MPP7: variants seen among roughly 807,000 people sequenced by gnomAD.
The protein encoded by MPP7 is MAGUK p55 subfamily member 7.
In MPP7, 60 loss-of-function variants were observed where a neutral mutation model predicts 76.5. The observed-to-expected ratio is 0.78, with a 90% confidence interval of 0.64 to 0.97. MPP7 has a LOEUF of 0.97. Ranked by LOEUF, MPP7 falls within the 50% of genes least tolerant of loss-of-function variation. The pLI, the probability that MPP7 is intolerant of heterozygous loss-of-function variation, is 0.00. For missense variants in MPP7, 641 were observed against 694.0 expected (o/e 0.92, Z 0.86); for synonymous variants, 237 against 244.5 (o/e 0.97, Z 0.29).
At chr10:28,249,931 T>C (rs1181497110) in intron 1 of MPP7, among the ~76,000 whole-genome samples, 2 of 152,144 alleles carry the variant, frequency 1.3e-5, no homozygotes, top group African/African-American at 4.8e-5. Flanking sequence ...TTTGAAATTT[T>C]TGTTGATGAA....
chr10:28,113,683 T>C (rs1165336643), intron 11 of MPP7, among the ~76,000 whole-genome samples: 2 of 152,088 alleles, frequency 1.3e-5, no homozygotes, highest in Non-Finnish European at 2.9e-5. Context: ...GGCTAGAGTT[T>C]ATAGCCACTT....
At chr10:28,189,555 A>G (rs924440099) in intron 3 of MPP7, among the ~76,000 whole-genome samples, 6 of 135,144 alleles carry the variant, frequency 4.4e-5, no homozygotes, top group Admixed American at 7.9e-5. Flanking sequence ...AGGGAGACAG[A>G]GCAAGACCCT....
intron 12 of MPP7, among the ~76,000 whole-genome samples, chr10:28,072,918 T>C (rs1342853668): frequency 1.3e-5 from 2 of 152,150 alleles, no homozygotes; most frequent in Admixed American, 6.5e-5. Flanking sequence ...TTTATCACAC[T>C]TGCCAATGAA....
At chr10:28,088,813 A>G (rs1564624449) in intron 12 of MPP7, among the ~76,000 whole-genome samples, 1 of 152,214 alleles carries the variant, frequency 6.6e-6, no homozygotes, top group Non-Finnish European at 1.5e-5. Context: ...CACAAGATAG[A>G]TGCTAGGATG....
chr10:28,263,942 C>A (rs926246293), intron 1 of MPP7, among the ~76,000 whole-genome samples: 1 of 151,984 alleles, frequency 6.6e-6, no homozygotes, highest in African/African-American at 2.4e-5. Context: ...AGAGGCAGAG[C>A]TTCAATCCCC....
At chr10:28,186,251 C>G (rs1837231980) in intron 3 of MPP7, among the ~76,000 whole-genome samples, 1 of 151,476 alleles carries the variant, frequency 6.6e-6, no homozygotes, top group African/African-American at 2.4e-5. Context: ...GAGGCTGAGG[C>G]AGGAGAATCG....
In MPP7 at chr10:28,276,030, C is replaced by CTTT. The variant is rs537127115; in HGVS notation, c.-132+26828_-132+26830dup. ...TCTTGACCAAAAAGGCCATCACATACTTTTTTTTTTTTTTTTTTGAGATGG... is the reference window on the plus strand; with the variant it reads ...TCTTGACCAAAAAGGCCATCACATACTTTTTTTTTTTTTTTTTTTTTGAGATGG... On this transcript the variant is annotated intron_variant, in intron 1 of 16. Transcript: ENST00000683449. 7.6e-4 allele frequency among the ~76,000 whole-genome samples: 100 copies of CTTT among 131,218 alleles called. 3 individuals carry two copies. The highest frequency in any genetic ancestry group is 2.7e-3 in the African/African-American group (91 of 33,992). 86.1% of individuals were successfully genotyped at this position (131,218 alleles called of 152,430 possible). A position where few individuals can be genotyped will look rare whatever the true frequency, so the allele number is the denominator to read the frequency against.
chr10:28,282,699 G>A (rs1054971564), intron 1 of MPP7, among the ~76,000 whole-genome samples: 1 of 151,988 alleles, frequency 6.6e-6, no homozygotes, highest in African/African-American at 2.4e-5. Flanking sequence ...CAGAAATGGA[G>A]GAACTAAGCT....
intron 2 of MPP7, among the ~76,000 whole-genome samples, chr10:28,237,633 T>C (rs1349174002): frequency 6.6e-6 from 1 of 152,224 alleles, no homozygotes; most frequent in Non-Finnish European, 1.5e-5. Context: ...TTTTTGAGAT[T>C]ATAGCACCAG....
intron 1 of MPP7, among the ~76,000 whole-genome samples, chr10:28,271,617 A>G (rs569360610): frequency 2.0e-5 from 3 of 152,268 alleles, no homozygotes; most frequent in East Asian, 1.9e-4. Context: ...GAGAGTACCT[A>G]TTTGAAATTC....
At chr10:28,055,316 T>C (rs1448310871) in intron 16 of MPP7, among the ~76,000 whole-genome samples, 2 of 152,190 alleles carry the variant, frequency 1.3e-5, no homozygotes, top group Middle Eastern at 3.2e-3. Flanking sequence ...ATATGTACTG[T>C]TGGCATGTAA....
At chr10:28,208,505 T>C (rs1838021098) in intron 2 of MPP7, among the ~76,000 whole-genome samples, 1 of 152,200 alleles carries the variant, frequency 6.6e-6, no homozygotes, top group Non-Finnish European at 1.5e-5. Flanking sequence ...AGTCTGCCCA[T>C]GGGCGTGTCA....
At position 28,292,517 on chromosome 10, in the gene MPP7, C is replaced by T. The variant is rs192245087; in HGVS notation, c.-132+10344G>A. ...ATACCACTGATAAGTGGTTTCCACTCGGGATATAGATCAGTGTCACCAGAG... is the reference window on the plus strand; with the variant it reads ...ATACCACTGATAAGTGGTTTCCACTTGGGATATAGATCAGTGTCACCAGAG... On this transcript the variant is annotated intron_variant, in intron 1 of 16. Coordinates refer to ENST00000683449, the MANE Select transcript of MPP7 (RefSeq NM_001318170.2). 3.3e-5 allele frequency among the ~76,000 whole-genome samples: 5 copies of T among 151,954 alleles called. No homozygotes were observed. The East Asian group carries it at 7.7e-4, about 23-fold the overall frequency.
At chr10:28,132,233 A>G (rs1323436232) in intron 5 of MPP7, among the ~76,000 whole-genome samples, 1 of 152,318 alleles carries the variant, frequency 6.6e-6, no homozygotes, top group East Asian at 1.9e-4. Flanking sequence ...TGTGTATAAA[A>G]GAATGTAATT....
At position 28,094,314 on chromosome 10, in the gene MPP7, C is replaced by CATGGAA. The variant is rs1287805121; in HGVS notation, c.953-4474_953-4473insTTCCAT. On this transcript the variant is annotated intron_variant, in intron 11 of 16. Coordinates refer to ENST00000683449, the MANE Select transcript of MPP7 (RefSeq NM_001318170.2). ...AGGCAGTGAGGTCGCAACAGGGGTTCCATGGGAGCAGCTGGTCACTGATTG... is the reference window on the plus strand; with the variant it reads ...AGGCAGTGAGGTCGCAACAGGGGTTCATGGAACATGGGAGCAGCTGGTCACTGATTG... Among the ~76,000 whole-genome samples, 569 of 152,156 alleles carry CATGGAA rather than the reference C, an allele frequency of 3.7e-3. 2 individuals carry two copies. Among genetic ancestry groups the CATGGAA allele is most frequent in the African/African-American group, 0.013 (534 of 41,488 alleles).
intron 2 of MPP7, among the ~76,000 whole-genome samples, chr10:28,225,818 A>G (rs1838669276): frequency 6.6e-6 from 1 of 152,212 alleles, no homozygotes; most frequent in African/African-American, 2.4e-5. Context: ...ACAGGGACAT[A>G]CTTATTTTTG....
At chr10:28,211,100 GTCTTT>G (rs1477816053) in intron 2 of MPP7, among the ~76,000 whole-genome samples, 1 of 146,958 alleles carries the variant, frequency 6.8e-6, no homozygotes, top group African/African-American at 2.4e-5. Flanking sequence ...CTGTCTCACT[GTCTTT>G]TCTTTTTTTT....
At chr10:28,100,630 C>G (rs1441077954) in intron 11 of MPP7, among the ~76,000 whole-genome samples, 1 of 152,118 alleles carries the variant, frequency 6.6e-6, no homozygotes, top group East Asian at 1.9e-4. Flanking sequence ...GAAAATTCAT[C>G]TCTGCAATGT....
At chr10:28,209,995 T>G (rs1838078632) in intron 2 of MPP7, among the ~76,000 whole-genome samples, 1 of 152,168 alleles carries the variant, frequency 6.6e-6, no homozygotes, top group Admixed American at 6.6e-5. Flanking sequence ...TCCCCCTCAC[T>G]CTTATTGAGC....
Sources: gnomAD v4.1 joint callset for allele counts (sites outside exome capture counted in the v4.1 genomes callset) on GRCh38, gnomAD v4.1.1 for gene constraint, MANE v1.5 for transcripts, NCBI Gene and HGNC (gene_info 2026-07-23, HGNC 2026-07-21) for gene names.